RPN1: variants seen among roughly 807,000 people sequenced by gnomAD.
RPN1 encodes ribophorin I.
In RPN1, 12 loss-of-function variants were observed where a neutral mutation model predicts 55.5. That is an observed-to-expected ratio of 0.22 (90% CI 0.14 to 0.35). The LOEUF (loss-of-function observed/expected upper bound fraction) is 0.35. Ranked by LOEUF, RPN1 falls within the 10% of genes least tolerant of loss-of-function variation. The pLI is 1.00. For synonymous variants in RPN1, 317 were observed against 305.9 expected, an observed-to-expected ratio of 1.04 and a Z score of -0.38; for missense variants, 679 against 761.3, an observed-to-expected ratio of 0.89 and a Z score of 1.27.
chr3:128,646,440 T>C (rs955838594), intron 1 of RPN1, among the ~76,000 whole-genome samples: 2 of 151,996 alleles, frequency 1.3e-5, no homozygotes, highest in African/African-American at 4.8e-5. Context: ...CCCAGCACTC[T>C]GACAGGCAGA....
intron 6 of RPN1, 92 bp downstream of exon 6, chr3:128,626,640 AG>A (rs1306514448): frequency 1.8e-6 from 2 of 1,085,960 alleles, no homozygotes; most frequent in Admixed American, 3.7e-5. Flanking sequence ...AGTGACACAA[AG>A]ACTGTGCCCC....
In RPN1 at chr3:128,620,030, AAAC is replaced by A; in HGVS notation, c.*378_*380del. 1 of 226,668 alleles carries A rather than the reference AAAC, an allele frequency of 4.4e-6. No homozygotes were observed. The highest frequency in any genetic ancestry group is 8.8e-6 in the Non-Finnish European group (1 of 114,270). The allele number at this position is 226,668 out of a possible 1,614,324, so 14.0% of individuals were successfully genotyped here. A position where few individuals can be genotyped will look rare whatever the true frequency, so the allele number is the denominator to read the frequency against. On this transcript the variant is annotated 3_prime_UTR_variant, in exon 10 of 10. Transcript: ENST00000296255. The stretch of plus-strand genomic sequence containing the variant: ...ACACACGCTTTAAAAAAAAAAAAAA[AAAC>A]ACATGCACTCACACAATACCCAAAC...
chr3:128,629,456 G>A (rs1268152965), intron 5 of RPN1, among the ~76,000 whole-genome samples: 1 of 152,034 alleles, frequency 6.6e-6, no homozygotes, highest in Admixed American at 6.6e-5. Context: ...CAGCTACTCA[G>A]GAGGCTGAGG....
intron 2 of RPN1, among the ~76,000 whole-genome samples, chr3:128,640,630 C>T (rs1039401755): frequency 6.6e-6 from 1 of 152,136 alleles, no homozygotes; most frequent in Admixed American, 6.6e-5. Flanking sequence ...TTCATGATCC[C>T]AAGTCTTGAT....
In RPN1 at chr3:128,620,215, A is replaced by T. The variant is rs531123342; in HGVS notation, c.*196T>A. On this transcript the variant is annotated 3_prime_UTR_variant, in exon 10 of 10. Transcript: ENST00000296255. ...GTTTTTTTAAAGTTTTCTTTTTTTA[A>T]AAAAAAAAAAAAAGAAAGTTAAGGA... 0.048 allele frequency: 12,719 copies of T among 264,276 alleles called. 8 individuals carry two copies. The highest frequency in any genetic ancestry group is 0.092 in the Middle Eastern group (81 of 878). 16.4% of individuals were successfully genotyped at this position (264,276 alleles called of 1,614,324 possible). A position where few individuals can be genotyped will look rare whatever the true frequency, so the allele number is the denominator to read the frequency against.
Position 128,625,749 on chromosome 3 carries a change from A to T in RPN1, c.1276-96T>A. The T allele has an allele frequency of 2.5e-6, 4 of 1,579,620 alleles. No homozygotes were observed. In the South Asian group the frequency reaches 4.5e-5, roughly 18 times the overall value. The stretch of plus-strand genomic sequence containing the variant: ...CCCACTCGACCTGCTGCCCCACCCC[A>T]AGACCAGAAGACGCCATGAGCTCAA... On this transcript the variant is annotated intron_variant, in intron 7 of 9. Coordinates refer to ENST00000296255, the MANE Select transcript of RPN1 (RefSeq NM_002950.4).
chr3:128,622,530 A>G, intron 8 of RPN1, 121 bp from the exon 9 acceptor site: 1 of 1,255,168 alleles, frequency 8.0e-7, no homozygotes, highest in Non-Finnish European at 1.1e-6. Context: ...CTTCTTGGAA[A>G]GTCAAAGTCA....
At position 128,648,424 on chromosome 3, in the gene RPN1, G is replaced by A. The variant is rs561277336; in HGVS notation, c.261+2116C>T. Among the ~76,000 whole-genome samples, 63 of 151,926 alleles carry A rather than the reference G, an allele frequency of 4.1e-4. 1 individual carries two copies. The highest frequency in any genetic ancestry group is 2.4e-4 in the Non-Finnish European group (16 of 67,966). ...AAAAATACAAAAATTAGCCAGGCGTGGTGGCATGCACCTGTAATCCCAGTT... is the reference window on the plus strand; with the variant it reads ...AAAAATACAAAAATTAGCCAGGCGTAGTGGCATGCACCTGTAATCCCAGTT... On this transcript the variant is annotated intron_variant, in intron 1 of 9. Transcript: ENST00000296255.
chr3:128,620,345 C>G lies in RPN1; in HGVS notation c.*66G>C. ...GGCCTCCATGCACAACCTCCCACTA[C>G]CACCCAATCTGCCTGCCACAGCAAA... On this transcript the variant is annotated 3_prime_UTR_variant, in exon 10 of 10. Transcript: ENST00000296255. The G allele has an allele frequency of 1.3e-6, 2 of 1,493,854 alleles. No homozygotes were observed. The highest frequency in any genetic ancestry group is 1.8e-6 in the Non-Finnish European group (2 of 1,100,984). 92.5% of individuals were successfully genotyped at this position (1,493,854 alleles called of 1,614,324 possible). A position where few individuals can be genotyped will look rare whatever the true frequency, so the allele number is the denominator to read the frequency against.
chr3:128,643,429 T>C, intron 2 of RPN1, among the ~76,000 whole-genome samples: 1 of 151,468 alleles, frequency 6.6e-6, no homozygotes, highest in African/African-American at 2.4e-5. Flanking sequence ...TTTGGAAGGC[T>C]GAGGCAGGCA....
At position 128,620,606 on chromosome 3, in the gene RPN1, A is replaced by AG. The variant is rs747201379; in HGVS notation, c.1642-14dup. 6.2e-7 allele frequency: 1 copy of AG among 1,611,260 alleles called. No individual in the cohort carries two copies. Among genetic ancestry groups the AG allele is most frequent in the Non-Finnish European group, 8.5e-7 (1 of 1,178,418 alleles). On this transcript the variant is annotated splice_polypyrimidine_tract_variant and intron_variant, in intron 9 of 9. Transcript: ENST00000296255. The stretch of plus-strand genomic sequence containing the variant: ...GCATTTCGCTCACCTGGCCGAGGCA[A>AG]GAGCAGGGCAGGACTTGTGAGCTGT...
chr3:128,630,447 G>A (rs1442867273), intron 4 of RPN1, among the ~76,000 whole-genome samples: 1 of 152,168 alleles, frequency 6.6e-6, no homozygotes, highest in Non-Finnish European at 1.5e-5. Flanking sequence ...TTATTTTGCA[G>A]AGAAGAAAAG....
In RPN1 at chr3:128,625,556, C is replaced by T. The variant is rs201296544; in HGVS notation, c.1373G>A (p.Arg458Gln). The change falls in exon 8 of 10, where the codon CGG (arginine) becomes CAG (glutamine). Residue 458 changes from arginine to glutamine, a missense_variant. By Grantham distance (43) the Arg-to-Gln change is conservative. This residue lies in a region of RPN1 where 306 missense variants were observed against 360.0 expected (regional missense o/e 0.85). Coordinates refer to ENST00000296255, the MANE Select transcript of RPN1 (RefSeq NM_002950.4). ...TACCTTGGTGATGGAGAAGTCCAGC[C>T]GAACATAGATGATAACGGTGAAGAA... ...ILFFTVIIYV[R>Q]LDFSITKDPA... The T allele has an allele frequency of 6.9e-5, 112 of 1,613,818 alleles. No individual in the cohort carries two copies. Among genetic ancestry groups the T allele is most frequent in the Non-Finnish European group, 5.3e-5 (62 of 1,179,998 alleles).
In RPN1 at chr3:128,630,156, G is replaced by C; in HGVS notation, c.844-13C>G. ...CAGGAAGGATGGTCTGCAAGAGAGT[G>C]GATATGCCCTTCTAAAACTCCAGGA... On this transcript the variant is annotated splice_polypyrimidine_tract_variant and intron_variant, in intron 4 of 9. Transcript: ENST00000296255. 6.3e-7 allele frequency: 1 copy of C among 1,587,038 alleles called. No individual in the cohort carries two copies. Among genetic ancestry groups the C allele is most frequent in the Non-Finnish European group, 8.6e-7 (1 of 1,161,652 alleles).
intron 3 of RPN1, 39 bp from the exon 4 acceptor site, chr3:128,632,196 CAG>C: frequency 6.3e-7 from 1 of 1,587,538 alleles, no homozygotes; most frequent in Non-Finnish European, 8.6e-7. Context: ...GTTTTGGCAA[CAG>C]AGAATGCACC....
intron 8 of RPN1, 49 bp downstream of exon 8, chr3:128,625,485 A>C: frequency 6.2e-7 from 1 of 1,613,564 alleles, no homozygotes; most frequent in East Asian, 2.2e-5. Flanking sequence ...AGCTGGTGAA[A>C]TATTACCAAG....
chr3:128,643,574 T>C (rs2069744675), intron 2 of RPN1, among the ~76,000 whole-genome samples: 3 of 151,988 alleles, frequency 2.0e-5, no homozygotes, highest in Admixed American at 6.6e-5. Context: ...AGGCGGCAGA[T>C]CACCTGAGGT....
chr3:128,650,453 A>G, intron 1 of RPN1, 87 bp downstream of exon 1: 7 of 1,338,920 alleles, frequency 5.2e-6, no homozygotes, highest in South Asian at 4.2e-5. Context: ...CCTGAGGCCT[A>G]GAGGGGCGCG....
intron 2 of RPN1, among the ~76,000 whole-genome samples, chr3:128,642,999 A>G (rs2069737756): frequency 6.6e-6 from 1 of 150,954 alleles, no homozygotes; most frequent in Non-Finnish European, 1.5e-5. Context: ...AGCTTGGGCA[A>G]CAAGAGGGAA....
Sources: gnomAD v4.1 joint callset for allele counts (sites outside exome capture counted in the v4.1 genomes callset) on GRCh38, gnomAD v4.1.1 for gene constraint, gnomAD v4.1.1 regional missense constraint, MANE v1.5 for transcripts, NCBI Gene and HGNC (gene_info 2026-07-23, HGNC 2026-07-21) for gene names.